Variants in FHIT observed in about 807,000 individuals in gnomAD.
The protein encoded by FHIT is fragile histidine triad diadenosine triphosphatase.
A neutral mutation model predicts 17.9 loss-of-function variants in FHIT; 19 were observed. That is an observed-to-expected ratio of 1.06 (90% CI 0.74 to 1.56). The LOEUF is 1.56. FHIT is among the 40% of genes most tolerant of loss of function. The probability of loss-of-function intolerance (pLI) is 0.00; values close to 1 mark genes in which losing one functional copy is unlikely to be tolerated. For synonymous variants in FHIT, 81 were observed against 69.7 expected (o/e 1.16, Z -0.81); for missense variants, 248 against 189.2 (o/e 1.31, Z -1.82).
At chr3:60,668,755 C>A (rs369642722) in intron 4 of FHIT, among the ~76,000 whole-genome samples, 1 of 151,888 alleles carries the variant, frequency 6.6e-6, no homozygotes, top group Non-Finnish European at 1.5e-5. Context: ...TTAGTAGAGA[C>A]GGGGTTCCAC....
intron 8 of FHIT, among the ~76,000 whole-genome samples, chr3:59,767,162 A>G (rs777891304): frequency 3.3e-5 from 5 of 152,200 alleles, no homozygotes; most frequent in Non-Finnish European, 7.3e-5. Context: ...TCCTTCAGCC[A>G]AAATGCAGAT....
intron 5 of FHIT, among the ~76,000 whole-genome samples, chr3:60,191,099 T>C (rs1346354112): frequency 6.6e-6 from 1 of 151,844 alleles, no homozygotes; most frequent in Non-Finnish European, 1.5e-5. Flanking sequence ...TATCCCACAA[T>C]TAAAAAAATA....
intron 5 of FHIT, among the ~76,000 whole-genome samples, chr3:60,533,403 C>T (rs567222183): frequency 6.6e-6 from 1 of 152,070 alleles, no homozygotes; most frequent in East Asian, 1.9e-4. Flanking sequence ...AAGAGATGTG[C>T]AAGAGCAGGT....
intron 5 of FHIT, among the ~76,000 whole-genome samples, chr3:60,381,082 C>T (rs1175225725): frequency 6.6e-6 from 1 of 152,172 alleles, no homozygotes; most frequent in African/African-American, 2.4e-5. Flanking sequence ...TGCTTCATGT[C>T]ACATATAAAT....
chr3:60,050,291 A>G (rs1338808058), intron 5 of FHIT, among the ~76,000 whole-genome samples: 3 of 152,162 alleles, frequency 2.0e-5, no homozygotes, highest in Non-Finnish European at 4.4e-5. Context: ...ATCTTTAATT[A>G]TAATTAAATT....
At chr3:59,792,866 AT>A (rs34539132) in intron 8 of FHIT, among the ~76,000 whole-genome samples, 4,564 of 103,640 alleles carry the variant, frequency 0.044, 191 homozygotes, top group African/African-American at 0.14. Flanking sequence ...GGAGGTCCTT[AT>A]TTTTTGGGGG....
intron 5 of FHIT, among the ~76,000 whole-genome samples, chr3:60,357,693 G>A (rs111283857): frequency 3.3e-5 from 5 of 152,188 alleles, no homozygotes; most frequent in South Asian, 2.1e-4. Flanking sequence ...GTTGTACTTA[G>A]GCATATTATT....
At chr3:60,196,127 C>T (rs1005079153) in intron 5 of FHIT, among the ~76,000 whole-genome samples, 1 of 152,140 alleles carries the variant, frequency 6.6e-6, no homozygotes. Context: ...CACAAATTAC[C>T]ACATACTTAG....
chr3:61,032,229 C>T (rs2033042324), intron 3 of FHIT, among the ~76,000 whole-genome samples: 1 of 152,158 alleles, frequency 6.6e-6, no homozygotes, highest in African/African-American at 2.4e-5. Flanking sequence ...TAAACTTGTC[C>T]ACATGAAACT....
In FHIT at chr3:60,072,837, T is replaced by C. The variant is rs546866477; in HGVS notation, c.104-58685A>G. Among the ~76,000 whole-genome samples the C allele has an allele frequency of 2.6e-5, 4 of 152,344 alleles. No homozygotes were observed. The South Asian group carries it at 8.3e-4, about 32-fold the overall frequency. On this transcript the variant is annotated intron_variant, in intron 5 of 9. Transcript: ENST00000492590. Reference sequence around the variant, plus strand: ...ACTTTCTTAATTATTCATTATTTTGTCTATGTATGCCTTCTTTTCCCAGCT... The same window carrying C: ...ACTTTCTTAATTATTCATTATTTTGCCTATGTATGCCTTCTTTTCCCAGCT...
chr3:59,943,375 G>A (rs191561762), intron 7 of FHIT, among the ~76,000 whole-genome samples: 22 of 152,214 alleles, frequency 1.4e-4, no homozygotes, highest in African/African-American at 5.1e-4. Context: ...AATCAGCAAC[G>A]AAATTGGAGG....
intron 5 of FHIT, among the ~76,000 whole-genome samples, chr3:60,304,481 C>T (rs1002245436): frequency 2.4e-4 from 37 of 151,876 alleles, no homozygotes; most frequent in Non-Finnish European, 5.4e-4. Context: ...TTAATCCTCC[C>T]AACAACCTTA....
intron 5 of FHIT, among the ~76,000 whole-genome samples, chr3:60,423,375 T>C (rs1702546749): frequency 1.3e-5 from 2 of 152,138 alleles, no homozygotes; most frequent in African/African-American, 4.8e-5. Flanking sequence ...CATAAAACAT[T>C]ATAACCAACA....
At chr3:60,717,382 A>G (rs2041708244) in intron 4 of FHIT, among the ~76,000 whole-genome samples, 1 of 152,216 alleles carries the variant, frequency 6.6e-6, no homozygotes, top group Non-Finnish European at 1.5e-5. Context: ...TTCATCATTT[A>G]GCAATGTATA....
intron 5 of FHIT, among the ~76,000 whole-genome samples, chr3:60,280,199 C>T (rs1451136308): frequency 6.6e-6 from 1 of 151,964 alleles, no homozygotes; most frequent in Non-Finnish European, 1.5e-5. Context: ...TCTCAGCAAA[C>T]TAGGAATAGA....
intron 4 of FHIT, among the ~76,000 whole-genome samples, chr3:60,821,088 G>A (rs1463822637): frequency 6.6e-6 from 1 of 151,880 alleles, no homozygotes; most frequent in Admixed American, 6.6e-5. Flanking sequence ...TGATTCTCCT[G>A]CCTCAGCCTC....
intron 4 of FHIT, among the ~76,000 whole-genome samples, chr3:60,574,435 T>G (rs1310042787): frequency 2.6e-5 from 4 of 151,902 alleles, no homozygotes; most frequent in Non-Finnish European, 4.4e-5. Context: ...CAACTGTTGC[T>G]GTATCAGCTT....
chr3:61,242,290 A>G (rs961280386), intron 1 of FHIT, among the ~76,000 whole-genome samples: 9 of 151,850 alleles, frequency 5.9e-5, no homozygotes, highest in African/African-American at 2.2e-4. Flanking sequence ...AAAAACAACA[A>G]CAAAAAAAAA....
chr3:60,233,879 G>A (rs763140744), intron 5 of FHIT, among the ~76,000 whole-genome samples: 1 of 152,126 alleles, frequency 6.6e-6, no homozygotes, highest in Non-Finnish European at 1.5e-5. Context: ...TGTAAGATGT[G>A]CCTTTGCTCC....
Sources: allele counts gnomAD v4.1 joint callset (sites outside exome capture counted in the v4.1 genomes callset), GRCh38; gene constraint gnomAD v4.1.1; transcripts MANE v1.5; gene names NCBI Gene and HGNC (gene_info 2026-07-23, HGNC 2026-07-21).